The following TMEM132D variants were observed in gnomAD, a reference collection of about 807,000 sequenced individuals.
The protein encoded by TMEM132D is transmembrane protein 132D.
Under a neutral mutation model 62.3 loss-of-function variants are expected in TMEM132D, and 21 were observed. The observed-to-expected ratio is 0.34, with a 90% CI of 0.24 to 0.49. The LOEUF (loss-of-function observed/expected upper bound fraction) is 0.49, where lower values mean the gene tolerates loss of function less well. TMEM132D is among the 20% of genes least tolerant of loss of function. The pLI is 0.99. For synonymous variants in TMEM132D, 621 were observed against 575.6 expected (o/e 1.08, Z -1.13); for missense variants, 1,346 against 1,402.8 (o/e 0.96, Z 0.65).
At chr12:129,199,102 CTTTTTTTT>C (rs58775767) in intron 5 of TMEM132D, among the ~76,000 whole-genome samples, 3 of 95,824 alleles carry the variant, frequency 3.1e-5, no homozygotes, top group East Asian at 6.8e-4. Flanking sequence ...GTCCATCTAC[CTTTTTTTT>C]TTTTTTTTTT....
At chr12:129,816,210 T>C (rs1390407964) in intron 1 of TMEM132D, among the ~76,000 whole-genome samples, 5 of 152,228 alleles carry the variant, frequency 3.3e-5, no homozygotes, top group Non-Finnish European at 7.3e-5. Flanking sequence ...TTCATCTTTT[T>C]TGAGAATGTA....
At chr12:129,502,032 G>A (rs760601664) in intron 3 of TMEM132D, among the ~76,000 whole-genome samples, 1 of 150,592 alleles carries the variant, frequency 6.6e-6, no homozygotes, top group African/African-American at 2.5e-5. Flanking sequence ...ATGGAGTCTC[G>A]CTCTGTCGTC....
chr12:129,666,648 C>G (rs374155714), intron 2 of TMEM132D, among the ~76,000 whole-genome samples: 1 of 152,134 alleles, frequency 6.6e-6, no homozygotes, highest in Non-Finnish European at 1.5e-5. Flanking sequence ...TAGCCACGCC[C>G]GTAGCTATGC....
chr12:129,340,627 G>C (rs1223106278), intron 3 of TMEM132D, among the ~76,000 whole-genome samples: 4 of 152,120 alleles, frequency 2.6e-5, no homozygotes, highest in African/African-American at 2.4e-5. Context: ...TCCCTACAAA[G>C]GACATGAACT....
At chr12:129,898,331 A>G (rs998195949) in intron 1 of TMEM132D, among the ~76,000 whole-genome samples, 2 of 152,220 alleles carry the variant, frequency 1.3e-5, no homozygotes, top group Non-Finnish European at 2.9e-5. Flanking sequence ...GAAATCAGAG[A>G]TAGAAAAAAT....
At chr12:129,475,572 A>G (rs966515996) in intron 3 of TMEM132D, among the ~76,000 whole-genome samples, 4 of 152,250 alleles carry the variant, frequency 2.6e-5, no homozygotes, top group Non-Finnish European at 5.9e-5. Context: ...CCACCTTATT[A>G]AAAACAAATA....
intron 3 of TMEM132D, among the ~76,000 whole-genome samples, chr12:129,509,353 T>C (rs1875431196): frequency 2.0e-5 from 3 of 152,312 alleles, no homozygotes; most frequent in Middle Eastern, 3.4e-3. Flanking sequence ...TTTTTGTGGG[T>C]ACATACTAGG....
chr12:129,829,606 T>C (rs903716340), intron 1 of TMEM132D, among the ~76,000 whole-genome samples: 3 of 152,142 alleles, frequency 2.0e-5, no homozygotes, highest in Non-Finnish European at 4.4e-5. Context: ...GGGTAACAGC[T>C]GAGTCACCTT....
At chr12:129,278,822 T>C (rs943502119) in intron 4 of TMEM132D, among the ~76,000 whole-genome samples, 11 of 152,192 alleles carry the variant, frequency 7.2e-5, no homozygotes, top group Admixed American at 2.6e-4. Context: ...TGTTAACAAC[T>C]AGCTTAATTT....
intron 3 of TMEM132D, among the ~76,000 whole-genome samples, chr12:129,488,067 T>C (rs1465945605): frequency 6.6e-6 from 1 of 151,208 alleles, no homozygotes; most frequent in African/African-American, 2.4e-5. Flanking sequence ...CATGGTGTCC[T>C]CAGCACAGCA....
chr12:129,257,193 CCT>C (rs1453627820), intron 4 of TMEM132D, among the ~76,000 whole-genome samples: 19 of 148,576 alleles, frequency 1.3e-4, no homozygotes, highest in Non-Finnish European at 2.4e-4. Flanking sequence ...CCAGGCATCC[CCT>C]GTTTCTTTCT....
intron 3 of TMEM132D, among the ~76,000 whole-genome samples, chr12:129,367,276 A>G (rs1398486939): frequency 6.6e-6 from 1 of 152,190 alleles, no homozygotes; most frequent in Non-Finnish European, 1.5e-5. Context: ...CTGTCTATCC[A>G]TCTATCTGTG....
intron 3 of TMEM132D, among the ~76,000 whole-genome samples, chr12:129,400,219 A>G (rs1566057369): frequency 6.6e-6 from 1 of 152,106 alleles, no homozygotes; most frequent in Non-Finnish European, 1.5e-5. Flanking sequence ...GTGGGAAGAA[A>G]CACAAACGGT....
intron 2 of TMEM132D, among the ~76,000 whole-genome samples, chr12:129,667,071 T>C (rs2137196636): frequency 6.6e-6 from 1 of 152,290 alleles, no homozygotes; most frequent in Non-Finnish European, 1.5e-5. Context: ...GTTTTTTCCA[T>C]AGGTTAAAAC....
intron 2 of TMEM132D, among the ~76,000 whole-genome samples, chr12:129,597,733 A>T (rs1226425236): frequency 1.3e-5 from 2 of 152,226 alleles, no homozygotes; most frequent in East Asian, 3.8e-4. Flanking sequence ...TAGCATTTAG[A>T]AAGTGTAGGT....
At chr12:129,412,927 C>G (rs1872010463) in intron 3 of TMEM132D, among the ~76,000 whole-genome samples, 4 of 152,140 alleles carry the variant, frequency 2.6e-5, no homozygotes, top group African/African-American at 9.7e-5. Flanking sequence ...CAGAGCCAAC[C>G]TCCAATGACA....
intron 5 of TMEM132D, among the ~76,000 whole-genome samples, chr12:129,142,585 A>C (rs1171284267): frequency 1.3e-5 from 2 of 152,238 alleles, no homozygotes; most frequent in African/African-American, 4.8e-5. Flanking sequence ...ACTTAAAACT[A>C]ATCTTTAAAA....
At chr12:129,866,996 C>A (rs1874079808) in intron 1 of TMEM132D, among the ~76,000 whole-genome samples, 1 of 152,034 alleles carries the variant, frequency 6.6e-6, no homozygotes. Context: ...GCCTGTAATC[C>A]CGGCACCTTG....
intron 4 of TMEM132D, among the ~76,000 whole-genome samples, chr12:129,259,408 C>T (rs144071544): frequency 6.6e-6 from 1 of 152,146 alleles, no homozygotes; most frequent in Non-Finnish European, 1.5e-5. Context: ...CTGCAAAAGC[C>T]CTAAAGTATA....
Sources: gnomAD v4.1 joint callset for allele counts (sites outside exome capture counted in the v4.1 genomes callset) on GRCh38, gnomAD v4.1.1 for gene constraint, MANE v1.5 for transcripts, NCBI Gene and HGNC (gene_info 2026-07-23, HGNC 2026-07-21) for gene names.